APPBP2: variants seen among roughly 807,000 people sequenced by gnomAD.
APPBP2 encodes amyloid protein-binding protein 2.
A neutral mutation model predicts 76.0 loss-of-function variants in APPBP2; 15 were observed. That is an observed-to-expected ratio of 0.20 (90% CI 0.13 to 0.30). APPBP2 has a LOEUF of 0.30. Among genes scored for constraint, APPBP2 ranks in the 10% least tolerant of loss-of-function variants. The probability of loss-of-function intolerance (pLI) is 1.00; values close to 1 mark genes in which losing one functional copy is unlikely to be tolerated. For synonymous variants in APPBP2, 222 were observed against 242.2 expected, an observed-to-expected ratio of 0.92 and a Z score of 0.77; for missense variants, 401 against 687.2, an observed-to-expected ratio of 0.58 and a Z score of 4.66.
chr17:60,515,860 A>T (rs1441656695), intron 1 of APPBP2, among the ~76,000 whole-genome samples: 1 of 152,152 alleles, frequency 6.6e-6, no homozygotes, highest in Admixed American at 6.6e-5. Flanking sequence ...TAATATAAAA[A>T]GTCAATAAGG....
intron 2 of APPBP2, among the ~76,000 whole-genome samples, chr17:60,497,444 G>T (rs1208405453): frequency 2.6e-5 from 4 of 152,044 alleles, no homozygotes; most frequent in Admixed American, 2.0e-4. Context: ...AACACAACAG[G>T]ATTATAGTAA....
intron 9 of APPBP2, among the ~76,000 whole-genome samples, chr17:60,456,787 C>T (rs1044160485): frequency 2.6e-5 from 4 of 152,126 alleles, no homozygotes; most frequent in African/African-American, 4.8e-5. Context: ...CCTGAACATT[C>T]TCACGACTCG....
At chr17:60,520,184 G>A (rs894102465) in intron 1 of APPBP2, among the ~76,000 whole-genome samples, 54 of 152,078 alleles carry the variant, frequency 3.6e-4, no homozygotes, top group African/African-American at 1.2e-3. Flanking sequence ...AATTAACTCC[G>A]ATCCTAAATC....
rs1339356608 is a variant in APPBP2 at position 60,479,225 on chromosome 17, A to C, written c.426T>G (p.Val142=). The C allele has an allele frequency of 4.3e-6, 7 of 1,613,896 alleles. No homozygotes were observed. Among genetic ancestry groups the C allele is most frequent in the Non-Finnish European group, 5.9e-6 (7 of 1,179,898 alleles). Residue 142 remains valine, a synonymous_variant, in exon 4 of 13, where the codon GTT becomes GTG. Transcript: ENST00000083182. The stretch of plus-strand genomic sequence containing the variant: ...TACACAACTGAAGGCAGGACAGAAA[A>C]ACTTTCTCAGCATCACTGTACCAGC... ...DAGWYSDAEK[V]FLSCLQLCTL...
chr17:60,510,722 A>G (rs2090905279), intron 1 of APPBP2, among the ~76,000 whole-genome samples: 1 of 152,142 alleles, frequency 6.6e-6, no homozygotes, highest in African/African-American at 2.4e-5. Context: ...TTTCTGGGGA[A>G]AAAAAAATCA....
At position 60,454,501 on chromosome 17, in the gene APPBP2, GA is replaced by G; in HGVS notation, c.1148-10del. On this transcript the variant is annotated splice_polypyrimidine_tract_variant and intron_variant, in intron 10 of 12. Coordinates refer to ENST00000083182, the MANE Select transcript of APPBP2 (RefSeq NM_006380.5). The stretch of plus-strand genomic sequence containing the variant: ...CTCCTCTAAAATAAGTGCTAAAAAA[GA>G]AGGCAATAAATTAGTGTACTTCAAA... 6.4e-7 allele frequency: 1 copy of G among 1,572,580 alleles called. No homozygotes were observed. Among genetic ancestry groups the G allele is most frequent in the Non-Finnish European group, 8.6e-7 (1 of 1,160,820 alleles).
intron 11 of APPBP2, among the ~76,000 whole-genome samples, chr17:60,453,548 G>T (rs61420885): frequency 0.075 from 10,426 of 138,828 alleles, 1,312 homozygotes; most frequent in African/African-American, 0.27. Flanking sequence ...TTTTTTTTTT[G>T]TTTTTTTTGA....
At chr17:60,451,757 G>T (rs1567917247) in intron 12 of APPBP2, 123 bp downstream of exon 12, 8 of 828,970 alleles carry the variant, frequency 9.7e-6, no homozygotes, top group Non-Finnish European at 1.5e-5. Context: ...GGGATTACAG[G>T]TATGAGCCAC....
In APPBP2 at chr17:60,454,382, CT is replaced by C; in HGVS notation, c.1257del (p.Ala420LeufsTer23). 1 of 1,612,520 alleles carries C rather than the reference CT, an allele frequency of 6.2e-7. No individual in the cohort carries two copies. The highest frequency in any genetic ancestry group is 1.7e-5 in the Admixed American group (1 of 59,802). The part of the protein sequence containing the change: ...LHLSSLQLAK[K>X]AFGEFNVQTA... ...GTCTGTACATTAAATTCCCCAAAAG[CT>C]TTTTTAGCTAGTTGGAGTGAAGACA... On this transcript the variant is annotated frameshift_variant, in exon 11 of 13. Transcript: ENST00000083182. LOFTEE classifies it high-confidence loss of function.
chr17:60,463,716 A>G (rs1449945063), intron 6 of APPBP2, among the ~76,000 whole-genome samples: 2 of 152,208 alleles, frequency 1.3e-5, no homozygotes, highest in Non-Finnish European at 2.9e-5. Context: ...AAGAAAAACA[A>G]AAACAAACTC....
At chr17:60,521,206 G>A (rs1371183262) in intron 1 of APPBP2, among the ~76,000 whole-genome samples, 2 of 152,156 alleles carry the variant, frequency 1.3e-5, no homozygotes, top group Non-Finnish European at 2.9e-5. Flanking sequence ...GCCACATAAA[G>A]TTTCAGTCAA....
intron 4 of APPBP2, among the ~76,000 whole-genome samples, chr17:60,470,856 T>C (rs1383784522): frequency 6.6e-6 from 1 of 151,620 alleles, no homozygotes; most frequent in Non-Finnish European, 1.5e-5. Flanking sequence ...AGTGGCACGA[T>C]CTCAGCTCAC....
intron 1 of APPBP2, 71 bp downstream of exon 1, chr17:60,525,723 C>A: frequency 3.1e-6 from 5 of 1,599,978 alleles, no homozygotes; most frequent in South Asian, 1.1e-5. Context: ...TGCGGGGGTT[C>A]GCAGACGTGG....
chr17:60,449,319 C>T (rs1202675483), intron 12 of APPBP2, among the ~76,000 whole-genome samples: 6 of 152,136 alleles, frequency 3.9e-5, no homozygotes, highest in South Asian at 2.1e-4. Flanking sequence ...TGGCCAGGAG[C>T]GGTGGCTCAC....
rs2090575193 is a variant in APPBP2 at position 60,474,460 on chromosome 17, C to T, written c.503+4688G>A. ...AAGTGCTGGGATTACAGGTGTTGAG[C>T]CACCCCGCCCAGCCTCATAACTTAT... On this transcript the variant is annotated intron_variant, in intron 4 of 12. Transcript: ENST00000083182. Among the ~76,000 whole-genome samples, 4 of 152,070 alleles carry T rather than the reference C, an allele frequency of 2.6e-5. No individual in the cohort carries two copies. The South Asian group carries it at 6.2e-4, about 24-fold the overall frequency.
At chr17:60,459,023 G>A (rs916374067) in intron 9 of APPBP2, among the ~76,000 whole-genome samples, 2 of 151,824 alleles carry the variant, frequency 1.3e-5, no homozygotes, top group African/African-American at 2.4e-5. Context: ...TGCCCGCTTC[G>A]GCCTCCCAAA....
chr17:60,512,684 A>C (rs2143485984), intron 1 of APPBP2, among the ~76,000 whole-genome samples: 1 of 151,730 alleles, frequency 6.6e-6, no homozygotes, highest in African/African-American at 2.4e-5. Flanking sequence ...AAAATACAAA[A>C]AATAGTCGGG....
intron 1 of APPBP2, among the ~76,000 whole-genome samples, chr17:60,521,361 A>T (rs1429133044): frequency 6.6e-6 from 1 of 152,234 alleles, no homozygotes; most frequent in African/African-American, 2.4e-5. Flanking sequence ...TAACATCTAC[A>T]GTAGTGTACA....
At chr17:60,507,342 C>CT (rs2090876739) in intron 1 of APPBP2, among the ~76,000 whole-genome samples, 1 of 151,896 alleles carries the variant, frequency 6.6e-6, no homozygotes, top group South Asian at 2.1e-4. Flanking sequence ...GTGCCTCAGT[C>CT]TCCCAAATAG....
Sources: gnomAD v4.1 joint callset for allele counts (sites outside exome capture counted in the v4.1 genomes callset) on GRCh38, gnomAD v4.1.1 for gene constraint, MANE v1.5 for transcripts, NCBI Gene and HGNC (gene_info 2026-07-23, HGNC 2026-07-21) for gene names.